Variants in RARS2 observed in about 807,000 individuals in gnomAD.
The protein encoded by RARS2 is arginyl-tRNA synthetase 2, mitochondrial.
RARS2 carries 67 observed loss-of-function variants against 88.5 expected under a neutral mutation model. The ratio of observed to expected loss-of-function variants is 0.76; its 90% CI spans 0.62 to 0.93. RARS2 has a LOEUF of 0.93. Among genes scored for constraint, RARS2 ranks in the 40% least tolerant of loss-of-function variants. The probability of loss-of-function intolerance (pLI) is 0.00; values close to 1 mark genes in which losing one functional copy is unlikely to be tolerated. For synonymous variants in RARS2, 239 were observed against 230.3 expected (o/e 1.04, Z -0.34); for missense variants, 664 against 684.2 (o/e 0.97, Z 0.33).
At chr6:87,589,135 GT>G (rs1262107649) in intron 1 of RARS2, among the ~76,000 whole-genome samples, 4 of 152,182 alleles carry the variant, frequency 2.6e-5, no homozygotes, top group Non-Finnish European at 5.9e-5. Context: ...AAGGAAATGG[GT>G]TAGCCAAGAC....
At chr6:87,535,445 A>C (rs1204204279) in intron 8 of RARS2, among the ~76,000 whole-genome samples, 4 of 152,148 alleles carry the variant, frequency 2.6e-5, no homozygotes, top group Non-Finnish European at 5.9e-5. Context: ...CTATTTAAAA[A>C]AATTTTTTTT....
chr6:87,529,535 A>G lies in RARS2; in HGVS notation c.878+7T>C, dbSNP rs774044535. On this transcript the variant is annotated splice_region_variant and intron_variant, in intron 10 of 19. Coordinates refer to ENST00000369536, the MANE Select transcript of RARS2 (RefSeq NM_020320.5). Reference sequence around the variant, plus strand: ...AATTTTACTGAAGAATAGTAACCTGATCATACATTGTTTTCAGTAGGAGTC... The same window carrying G: ...AATTTTACTGAAGAATAGTAACCTGGTCATACATTGTTTTCAGTAGGAGTC... 4.2e-5 allele frequency: 62 copies of G among 1,485,692 alleles called. No homozygotes were observed. Among genetic ancestry groups the G allele is most frequent in the Non-Finnish European group, 5.8e-5 (62 of 1,063,526 alleles). 92.0% of individuals were successfully genotyped at this position (1,485,692 alleles called of 1,614,324 possible). A position where few individuals can be genotyped will look rare whatever the true frequency, so the allele number is the denominator to read the frequency against.
chr6:87,549,215 G>A (rs531749862), intron 5 of RARS2, among the ~76,000 whole-genome samples: 2 of 152,042 alleles, frequency 1.3e-5, no homozygotes, highest in Admixed American at 6.6e-5. Context: ...AATTAGCGAG[G>A]TGTGGTGGTG....
chr6:87,536,767 AT>A (rs1291935356), intron 8 of RARS2, among the ~76,000 whole-genome samples: 40 of 152,314 alleles, frequency 2.6e-4, no homozygotes, highest in South Asian at 1.4e-3. Flanking sequence ...AATAAAAAAA[AT>A]ATATTAGTTA....
chr6:87,546,105 T>C (rs549126599), intron 6 of RARS2, among the ~76,000 whole-genome samples: 49 of 152,284 alleles, frequency 3.2e-4, no homozygotes, highest in Non-Finnish European at 6.5e-4. Flanking sequence ...GTTTTCTAAA[T>C]AGCTCATTCT....
intron 1 of RARS2, among the ~76,000 whole-genome samples, chr6:87,575,416 T>C (rs1354382319): frequency 6.6e-6 from 1 of 152,132 alleles, no homozygotes; most frequent in East Asian, 1.9e-4. Flanking sequence ...ATCAAAGTCA[T>C]TGCTATAAGC....
At chr6:87,582,777 T>G (rs998711358) in intron 1 of RARS2, among the ~76,000 whole-genome samples, 1 of 152,216 alleles carries the variant, frequency 6.6e-6, no homozygotes, top group Non-Finnish European at 1.5e-5. Flanking sequence ...CTAGTTTAAT[T>G]GCTTCTTGAG....
intron 5 of RARS2, among the ~76,000 whole-genome samples, chr6:87,551,582 C>A (rs797001006): frequency 1.4e-5 from 2 of 139,354 alleles, no homozygotes; most frequent in Non-Finnish European, 3.0e-5. Flanking sequence ...ATGAATCATG[C>A]CACTGCACTC....
At chr6:87,574,165 C>T (rs1266426383) in intron 1 of RARS2, among the ~76,000 whole-genome samples, 1 of 152,204 alleles carries the variant, frequency 6.6e-6, no homozygotes, top group African/African-American at 2.4e-5. Context: ...ACACCAATGG[C>T]CTTTCCAATG....
chr6:87,541,074 T>A (rs1562136810), intron 8 of RARS2, among the ~76,000 whole-genome samples: 1 of 92,868 alleles, frequency 1.1e-5, no homozygotes, highest in Non-Finnish European at 2.1e-5. Flanking sequence ...GCATGTTTAT[T>A]CTAAAAGATT....
At chr6:87,575,078 C>A (rs1582820256) in intron 1 of RARS2, among the ~76,000 whole-genome samples, 1 of 138,464 alleles carries the variant, frequency 7.2e-6, no homozygotes, top group African/African-American at 2.8e-5. Context: ...AGGATAGAGA[C>A]AAAATTCAAA....
At chr6:87,558,208 T>G (rs1786627233) in intron 4 of RARS2, among the ~76,000 whole-genome samples, 1 of 151,842 alleles carries the variant, frequency 6.6e-6, no homozygotes, top group Non-Finnish European at 1.5e-5. Flanking sequence ...CTTCAAATAC[T>G]AATTACTTAA....
intron 5 of RARS2, among the ~76,000 whole-genome samples, chr6:87,554,532 C>G (rs1760069609): frequency 6.6e-6 from 1 of 152,222 alleles, no homozygotes; most frequent in Non-Finnish European, 1.5e-5. Flanking sequence ...TCACAGCTCA[C>G]TGTAACCTTG....
At chr6:87,516,922 C>A in intron 17 of RARS2, 42 bp from the exon 18 acceptor site, 1 of 1,611,344 alleles carries the variant, frequency 6.2e-7, no homozygotes, top group Non-Finnish European at 8.5e-7. Flanking sequence ...AGACTGTACA[C>A]ATTACACTAA....
chr6:87,578,111 C>A (rs961159470), intron 1 of RARS2, among the ~76,000 whole-genome samples: 6 of 148,208 alleles, frequency 4.0e-5, no homozygotes, highest in Admixed American at 2.0e-4. Context: ...AGCGAGACCC[C>A]CCCCCCCGCC....
At chr6:87,581,909 A>C (rs1014855246) in intron 1 of RARS2, among the ~76,000 whole-genome samples, 1 of 151,632 alleles carries the variant, frequency 6.6e-6, no homozygotes, top group Non-Finnish European at 1.5e-5. Flanking sequence ...GGCTCCATTC[A>C]TGTCCCTGCA....
At position 87,568,761 on chromosome 6, in the gene RARS2, T is replaced by C. The variant is rs536500899; in HGVS notation, c.110+756A>G. Among the ~76,000 whole-genome samples, 5 of 152,360 alleles carry C rather than the reference T, an allele frequency of 3.3e-5. No homozygotes were observed. The South Asian group carries it at 1.0e-3, about 32-fold the overall frequency. ...CTTCTTTGTTCTATTCTGAGAAGAATATTCATTCTACTCTTAAAGTCCTGA... is the reference window on the plus strand; with the variant it reads ...CTTCTTTGTTCTATTCTGAGAAGAACATTCATTCTACTCTTAAAGTCCTGA... On this transcript the variant is annotated intron_variant, in intron 2 of 19. Transcript: ENST00000369536.
rs1176050732 is a variant in RARS2, at chr6:87,535,804, G to GGGA, written c.613-4863_613-4862insTCC. ...CGATTCTCGTCCCTCGGCCTCCTGAGTAGCTGGGATTACAAGCATGCATCA... is the reference window on the plus strand; with the variant it reads ...CGATTCTCGTCCCTCGGCCTCCTGAGGGATAGCTGGGATTACAAGCATGCATCA... On this transcript the variant is annotated intron_variant, in intron 8 of 19. Transcript: ENST00000369536. Among the ~76,000 whole-genome samples the GGGA allele has an allele frequency of 4.2e-3, 637 of 151,404 alleles. 3 individuals carry two copies. The highest frequency in any genetic ancestry group is 0.014 in the African/African-American group (593 of 41,238).
intron 1 of RARS2, among the ~76,000 whole-genome samples, chr6:87,575,350 G>T (rs557143445): frequency 2.0e-5 from 3 of 151,984 alleles, no homozygotes; most frequent in Non-Finnish European, 4.4e-5. Context: ...GATGGTTCCT[G>T]AGGGCAGAAG....
Sources: allele counts gnomAD v4.1 joint callset (sites outside exome capture counted in the v4.1 genomes callset), GRCh38; gene constraint gnomAD v4.1.1; transcripts MANE v1.5; gene names NCBI Gene and HGNC (gene_info 2026-07-23, HGNC 2026-07-21).